SRGAP3: variants seen among roughly 807,000 people sequenced by gnomAD.
SRGAP3 encodes SLIT-ROBO Rho GTPase-activating protein 3.
SRGAP3 carries 39 observed loss-of-function variants against 121.1 expected under a neutral mutation model. The observed-to-expected ratio is 0.32, with a 90% CI of 0.25 to 0.42. SRGAP3 has a LOEUF of 0.42. Among genes scored for constraint, SRGAP3 ranks in the 10% least tolerant of loss-of-function variants. The pLI is 1.00. For synonymous variants in SRGAP3, 601 were observed against 570.0 expected, an observed-to-expected ratio of 1.05 and a Z score of -0.77; for missense variants, 1,213 against 1,470.6, an observed-to-expected ratio of 0.82 and a Z score of 2.86.
chr3:9,345,710 C>T (rs1423656837), intron 1 of SRGAP3, among the ~76,000 whole-genome samples: 4 of 140,508 alleles, frequency 2.8e-5, no homozygotes, highest in Non-Finnish European at 6.0e-5. Flanking sequence ...CACTTGAACA[C>T]GGGAGATGGA....
chr3:9,101,213 G>T (rs1030502625), intron 3 of SRGAP3, among the ~76,000 whole-genome samples: 1 of 152,208 alleles, frequency 6.6e-6, no homozygotes. Flanking sequence ...CTGCTGTAGA[G>T]GATGATAAAA....
At chr3:9,290,682 G>C (rs929753505) in intron 3 of SRGAP3, among the ~76,000 whole-genome samples, 5 of 152,258 alleles carry the variant, frequency 3.3e-5, no homozygotes, top group South Asian at 4.1e-4. Flanking sequence ...CAAACCTACT[G>C]AATCAGTATC....
intron 1 of SRGAP3, among the ~76,000 whole-genome samples, chr3:9,165,238 A>G (rs1321607242): frequency 2.0e-5 from 3 of 152,230 alleles, no homozygotes; most frequent in Non-Finnish European, 4.4e-5. Context: ...GGGTCTGGGA[A>G]AGAGCCATGC....
rs959335889 is a variant in SRGAP3 at position 8,980,925 on chromosome 3, C to A, written c.*4594G>T. On this transcript the variant is annotated 3_prime_UTR_variant, in exon 22 of 22. Transcript: ENST00000383836. ...CAGTCACACTGCCGGGAACAAGGGC[C>A]TGGGCAGAAACCCTAGCCAGGATCT... The A allele has an allele frequency of 1.9e-4, 45 of 233,508 alleles. No homozygotes were observed. The highest frequency in any genetic ancestry group is 3.5e-4 in the Non-Finnish European group (41 of 117,930). 14.5% of individuals were successfully genotyped at this position (233,508 alleles called of 1,614,324 possible).
At chr3:9,014,125 G>C in intron 15 of SRGAP3, 2 of 479,990 alleles carry the variant, frequency 4.2e-6, no homozygotes, top group Non-Finnish European at 7.7e-6. Context: ...GACCTGGGTA[G>C]AGGGAAGCCT....
chr3:9,240,692 C>A (rs1050178559), intron 1 of SRGAP3, among the ~76,000 whole-genome samples: 76 of 152,308 alleles, frequency 5.0e-4, no homozygotes, highest in Middle Eastern at 3.4e-3. Flanking sequence ...CCTCTCCAAT[C>A]ATCAATTTCC....
chr3:9,256,047 C>G (rs555501799), intron 3 of SRGAP3, among the ~76,000 whole-genome samples: 1 of 152,116 alleles, frequency 6.6e-6, no homozygotes, highest in Non-Finnish European at 1.5e-5. Flanking sequence ...CCAGGCTCTA[C>G]CGAGAGACCC....
At chr3:9,347,045 C>T (rs1051463632) in intron 1 of SRGAP3, among the ~76,000 whole-genome samples, 3 of 152,258 alleles carry the variant, frequency 2.0e-5, no homozygotes, top group South Asian at 2.1e-4. Context: ...CCGCCCACCT[C>T]GCCCTCCCAA....
At chr3:9,072,692 G>A (rs149872219) in intron 4 of SRGAP3, among the ~76,000 whole-genome samples, 59 of 152,346 alleles carry the variant, frequency 3.9e-4, no homozygotes, top group African/African-American at 1.3e-3. Flanking sequence ...TCCCACAGAC[G>A]GGGGAAACCG....
chr3:8,990,164 T>C (rs992474090), intron 21 of SRGAP3, among the ~76,000 whole-genome samples: 3 of 152,232 alleles, frequency 2.0e-5, no homozygotes, highest in African/African-American at 7.2e-5. Context: ...AATTGATGAA[T>C]GAAGAGAGAA....
At chr3:9,076,568 T>C (rs1373053166) in intron 4 of SRGAP3, among the ~76,000 whole-genome samples, 1 of 152,212 alleles carries the variant, frequency 6.6e-6, no homozygotes, top group Non-Finnish European at 1.5e-5. Context: ...TTGCCTTCCC[T>C]GTTGAGAACT....
At position 8,982,784 on chromosome 3, in the gene SRGAP3, G is replaced by A. The variant is rs369280356; in HGVS notation, c.*2735C>T. The A allele has an allele frequency of 1.9e-4, 42 of 221,114 alleles. No individual in the cohort carries two copies. The South Asian group carries it at 7.0e-3, about 37-fold the overall frequency. The allele number at this position is 221,114 out of a possible 1,614,324, so 13.7% of individuals were successfully genotyped here. On this transcript the variant is annotated 3_prime_UTR_variant, in exon 22 of 22. Transcript: ENST00000383836. ...TCTGGGGCTGGATGAGTGGGGAGAC[G>A]TCTGCCATCTGTGTGTGTACATCCC...
In SRGAP3 at chr3:9,183,374, G is replaced by A. The variant is rs936164876; in HGVS notation, c.68-58457C>T. On this transcript the variant is annotated intron_variant, in intron 1 of 21. Transcript: ENST00000383836. ...ATACAATATCTAACTTCACAGAGAT[G>A]CAAGAATTAAATGAGGTCATGAAAA... 2.6e-5 allele frequency among the ~76,000 whole-genome samples: 4 copies of A among 152,288 alleles called. No homozygotes were observed. In the East Asian group the frequency reaches 7.7e-4, roughly 29 times the overall value.
chr3:9,018,896 T>C (rs1432262993), intron 14 of SRGAP3, among the ~76,000 whole-genome samples: 3 of 152,234 alleles, frequency 2.0e-5, no homozygotes, highest in African/African-American at 7.2e-5. Context: ...TGGTTTGTCT[T>C]GCTGTGTGAG....
At chr3:9,228,535 G>T (rs1053070708) in intron 1 of SRGAP3, among the ~76,000 whole-genome samples, 1 of 152,174 alleles carries the variant, frequency 6.6e-6, no homozygotes, top group African/African-American at 2.4e-5. Context: ...AGCCAGAGAG[G>T]CCTTCCTAAA....
At chr3:9,258,671 G>T (rs756697488) in intron 3 of SRGAP3, among the ~76,000 whole-genome samples, 10 of 152,300 alleles carry the variant, frequency 6.6e-5, no homozygotes, top group Middle Eastern at 3.4e-3. Context: ...CCTCTTATCA[G>T]TGGCACCACA....
At chr3:9,047,784 G>T (rs975600217) in intron 9 of SRGAP3, among the ~76,000 whole-genome samples, 1 of 152,194 alleles carries the variant, frequency 6.6e-6, no homozygotes, top group African/African-American at 2.4e-5. Flanking sequence ...AAGGGCCACG[G>T]GGAGACAAAG....
upstream of SRGAP3, among the ~76,000 whole-genome samples, chr3:9,251,861 C>G (rs1246579420): frequency 6.6e-6 from 1 of 152,132 alleles, no homozygotes; most frequent in African/African-American, 2.4e-5. Context: ...GTGTGTGGGG[C>G]TCATGGAGGA....
intron 1 of SRGAP3, among the ~76,000 whole-genome samples, chr3:9,236,857 T>C (rs1427752500): frequency 2.0e-5 from 3 of 152,214 alleles, no homozygotes; most frequent in South Asian, 2.1e-4. Context: ...TGGTGAAATA[T>C]AGTTCCCATT....
Sources: gnomAD v4.1 joint callset for allele counts (sites outside exome capture counted in the v4.1 genomes callset) on GRCh38, gnomAD v4.1.1 for gene constraint, MANE v1.5 for transcripts, NCBI Gene and HGNC (gene_info 2026-07-23, HGNC 2026-07-21) for gene names.